The following MACROD2 variants were observed in gnomAD, a reference collection of about 807,000 sequenced individuals.
The protein encoded by MACROD2 is mono-ADP ribosylhydrolase 2, also known as ADP-ribose glycohydrolase MACROD2.
Under a neutral mutation model 70.4 loss-of-function variants are expected in MACROD2, and 36 were observed. The observed-to-expected ratio is 0.51, with a 90% CI of 0.39 to 0.68. MACROD2 has a LOEUF of 0.68. MACROD2 is among the 30% of genes least tolerant of loss of function. The probability of loss-of-function intolerance (pLI) is 0.00; values close to 1 mark genes in which losing one functional copy is unlikely to be tolerated. For synonymous variants in MACROD2, 172 were observed against 178.8 expected, an observed-to-expected ratio of 0.96 and a Z score of 0.30; for missense variants, 496 against 538.4, an observed-to-expected ratio of 0.92 and a Z score of 0.78.
chr20:14,247,317 C>A (rs1004885384), intron 3 of MACROD2, among the ~76,000 whole-genome samples: 1 of 152,130 alleles, frequency 6.6e-6, no homozygotes, highest in African/African-American at 2.4e-5. Context: ...GGAAAGATGC[C>A]TTCTTATGCC....
intron 4 of MACROD2, among the ~76,000 whole-genome samples, chr20:14,557,098 A>T (rs1979084458): frequency 6.6e-6 from 1 of 152,056 alleles, no homozygotes; most frequent in Non-Finnish European, 1.5e-5. Context: ...ATTTGCAACC[A>T]GAGTGCCAAG....
intron 3 of MACROD2, chr20:14,327,609 G>A: frequency 8.0e-7 from 1 of 1,257,282 alleles, no homozygotes; most frequent in Non-Finnish European, 1.1e-6. Flanking sequence ...CCAGCATACT[G>A]AATATAATGT....
chr20:15,944,793 T>A (rs1429872088), intron 12 of MACROD2, among the ~76,000 whole-genome samples: 1 of 152,174 alleles, frequency 6.6e-6, no homozygotes, highest in Non-Finnish European at 1.5e-5. Context: ...ATAAAAAATA[T>A]TACATATAAT....
rs1175006083 is a variant in MACROD2, at chr20:15,046,781, C to G, written c.419-183159C>G. Among the ~76,000 whole-genome samples, 3 of 152,190 alleles carry G rather than the reference C, an allele frequency of 2.0e-5. No individual in the cohort carries two copies. The South Asian group carries it at 6.2e-4, about 32-fold the overall frequency. Reference sequence around the variant, plus strand: ...TGTCCAGTTGGCCTCTCTGTCTACTCTTTCCACGCCTAGGTTATAAATTAC... The same window carrying G: ...TGTCCAGTTGGCCTCTCTGTCTACTGTTTCCACGCCTAGGTTATAAATTAC... On this transcript the variant is annotated intron_variant, in intron 5 of 17. Coordinates refer to ENST00000684519, the MANE Select transcript of MACROD2 (RefSeq NM_001351661.2).
Position 15,380,845 on chromosome 20 carries a change from A to C in MACROD2, c.541-50560A>C, listed in dbSNP as rs543778396. The stretch of plus-strand genomic sequence containing the variant: ...TAGCTATAACATTGTGAATAGCACA[A>C]AAATCAAAGAAATATTCTAGTATTC... On this transcript the variant is annotated intron_variant, in intron 6 of 17. Transcript: ENST00000684519. 5.3e-5 allele frequency among the ~76,000 whole-genome samples: 8 copies of C among 152,330 alleles called. No individual in the cohort carries two copies. The South Asian group carries it at 1.7e-3, about 32-fold the overall frequency.
chr20:14,484,588 C>G (rs967217038), intron 3 of MACROD2, among the ~76,000 whole-genome samples: 1 of 151,834 alleles, frequency 6.6e-6, no homozygotes, highest in African/African-American at 2.4e-5. Context: ...CTCCACCCCT[C>G]GAATACCCTT....
intron 3 of MACROD2, among the ~76,000 whole-genome samples, chr20:14,250,685 A>C (rs747790622): frequency 6.6e-6 from 1 of 152,138 alleles, no homozygotes; most frequent in African/African-American, 2.4e-5. Flanking sequence ...AAATATATTG[A>C]ATTGTCCTTA....
intron 6 of MACROD2, among the ~76,000 whole-genome samples, chr20:15,354,513 C>T (rs1377321891): frequency 6.6e-6 from 1 of 151,986 alleles, no homozygotes; most frequent in Non-Finnish European, 1.5e-5. Flanking sequence ...ACAAAATACA[C>T]TCATTCAGTA....
intron 3 of MACROD2, among the ~76,000 whole-genome samples, chr20:14,400,005 C>A (rs1300997641): frequency 6.6e-6 from 1 of 151,982 alleles, no homozygotes; most frequent in Non-Finnish European, 1.5e-5. Context: ...AGATTTAATG[C>A]CCTTGTCTAC....
intron 3 of MACROD2, among the ~76,000 whole-genome samples, chr20:14,459,798 C>T (rs571911195): frequency 7.9e-5 from 12 of 152,014 alleles, no homozygotes; most frequent in African/African-American, 2.9e-4. Flanking sequence ...CATAGGTATC[C>T]ACATGCCATG....
chr20:14,811,107 C>CA (rs1468041732), intron 5 of MACROD2, among the ~76,000 whole-genome samples: 1 of 151,956 alleles, frequency 6.6e-6, no homozygotes, highest in East Asian at 1.9e-4. Flanking sequence ...CATATGGAAA[C>CA]AAAAAAGAGC....
intron 3 of MACROD2, among the ~76,000 whole-genome samples, chr20:14,278,710 G>C (rs947009266): frequency 6.6e-6 from 1 of 152,076 alleles, no homozygotes; most frequent in Admixed American, 6.6e-5. Flanking sequence ...TTGTATTAGA[G>C]AACATTAGTA....
At chr20:15,036,151 C>A (rs564574385) in intron 5 of MACROD2, among the ~76,000 whole-genome samples, 59 of 152,168 alleles carry the variant, frequency 3.9e-4, no homozygotes, top group African/African-American at 1.4e-3. Context: ...TAATAGATTT[C>A]TTTTTCATTA....
intron 8 of MACROD2, among the ~76,000 whole-genome samples, chr20:15,799,760 G>A (rs924390694): frequency 6.6e-5 from 10 of 152,114 alleles, no homozygotes; most frequent in African/African-American, 2.4e-4. Flanking sequence ...GGTGAGTGCA[G>A]GCATCCCTTT....
chr20:14,418,071 CTG>C (rs569575079), intron 3 of MACROD2, among the ~76,000 whole-genome samples: 1,895 of 152,126 alleles, frequency 0.012, 25 homozygotes, highest in Non-Finnish European at 0.015. Flanking sequence ...AATGAAGACT[CTG>C]TCTCTTAAGA....
intron 5 of MACROD2, among the ~76,000 whole-genome samples, chr20:14,945,197 A>G (rs1053052972): frequency 8.6e-5 from 13 of 151,230 alleles, no homozygotes; most frequent in Non-Finnish European, 1.3e-4. Flanking sequence ...GGCTCACTGC[A>G]ACCTCTGCCT....
intron 5 of MACROD2, among the ~76,000 whole-genome samples, chr20:14,820,130 G>T (rs1033384084): frequency 6.6e-6 from 1 of 152,056 alleles, no homozygotes; most frequent in African/African-American, 2.4e-5. Context: ...CACTGAAGAA[G>T]GGAGAAAGCA....
chr20:15,493,080 C>T (rs1241824982), intron 7 of MACROD2, among the ~76,000 whole-genome samples: 1 of 152,126 alleles, frequency 6.6e-6, no homozygotes, highest in Non-Finnish European at 1.5e-5. Context: ...GAGGTTAAAA[C>T]CACCACAAAA....
intron 3 of MACROD2, among the ~76,000 whole-genome samples, chr20:14,475,358 T>C (rs1366389407): frequency 6.6e-6 from 1 of 152,072 alleles, no homozygotes; most frequent in East Asian, 1.9e-4. Flanking sequence ...TAGTTTTTCT[T>C]TTAGTCTTCA....
Sources: gnomAD v4.1 joint callset for allele counts (sites outside exome capture counted in the v4.1 genomes callset) on GRCh38, gnomAD v4.1.1 for gene constraint, MANE v1.5 for transcripts, NCBI Gene and HGNC (gene_info 2026-07-23, HGNC 2026-07-21) for gene names.